Variants in KCNJ3 observed in about 807,000 individuals in gnomAD.
The protein encoded by KCNJ3 is potassium inwardly rectifying channel subfamily J member 3.
In KCNJ3, 4 loss-of-function variants were observed where a neutral mutation model predicts 39.2. The observed-to-expected ratio is 0.10, with a 90% CI of 0.05 to 0.23. The LOEUF is 0.23. Among genes scored for constraint, KCNJ3 ranks in the 10% least tolerant of loss-of-function variants. The probability of loss-of-function intolerance (pLI) is 1.00; values close to 1 mark genes in which losing one functional copy is unlikely to be tolerated. For missense variants in KCNJ3, 276 were observed against 634.9 expected (o/e 0.43, Z 6.08); for synonymous variants, 230 against 237.4 (o/e 0.97, Z 0.29).
At chr2:154,815,390 TC>T (rs1211164804) in intron 2 of KCNJ3, among the ~76,000 whole-genome samples, 1 of 152,202 alleles carries the variant, frequency 6.6e-6, no homozygotes, top group Non-Finnish European at 1.5e-5. Context: ...AGGAACTGCA[TC>T]TTTTGTTCAG....
At chr2:154,739,108 G>T (rs144732022) in intron 2 of KCNJ3, among the ~76,000 whole-genome samples, 3 of 151,982 alleles carry the variant, frequency 2.0e-5, no homozygotes. Context: ...TTTTGTGGGG[G>T]TGGGTAGATC....
At chr2:154,825,128 A>G (rs953512461) in intron 2 of KCNJ3, among the ~76,000 whole-genome samples, 45 of 152,022 alleles carry the variant, frequency 3.0e-4, no homozygotes, top group Admixed American at 2.6e-4. Context: ...CCTTTTGGGC[A>G]TGCTAATAGG....
chr2:154,746,931 AATAAT>A (rs1455957771), intron 2 of KCNJ3, among the ~76,000 whole-genome samples: 1 of 151,770 alleles, frequency 6.6e-6, no homozygotes, highest in Non-Finnish European at 1.5e-5. Flanking sequence ...GAATCTTACC[AATAAT>A]ATCTAGTCTG....
At chr2:154,701,431 T>C (rs541101517) in intron 1 of KCNJ3, among the ~76,000 whole-genome samples, 3 of 152,244 alleles carry the variant, frequency 2.0e-5, no homozygotes, top group Non-Finnish European at 2.9e-5. Context: ...TTACATTTTA[T>C]TTCAACAAAG....
chr2:154,738,385 T>G (rs893175794), intron 2 of KCNJ3, among the ~76,000 whole-genome samples: 2 of 152,064 alleles, frequency 1.3e-5, no homozygotes. Flanking sequence ...CAATAATAAC[T>G]TAATTGCACA....
At chr2:154,821,590 T>A (rs2105110453) in intron 2 of KCNJ3, among the ~76,000 whole-genome samples, 1 of 151,144 alleles carries the variant, frequency 6.6e-6, no homozygotes. Context: ...ACTGAGCAGA[T>A]ATGCTAGCAC....
At chr2:154,849,990 G>A (rs112963920) in intron 2 of KCNJ3, among the ~76,000 whole-genome samples, 1,390 of 122,610 alleles carry the variant, frequency 0.011, 48 homozygotes, top group African/African-American at 0.042. Context: ...ATATTGCAAT[G>A]CAATGTACAG....
chr2:154,802,205 A>G (rs1686832115), intron 2 of KCNJ3, among the ~76,000 whole-genome samples: 1 of 151,106 alleles, frequency 6.6e-6, no homozygotes, highest in South Asian at 2.1e-4. Flanking sequence ...TTTTTCTAAG[A>G]CAACAAGTTT....
intron 2 of KCNJ3, among the ~76,000 whole-genome samples, chr2:154,806,631 C>G (rs760215237): frequency 1.1e-4 from 17 of 151,994 alleles, no homozygotes; most frequent in Admixed American, 9.8e-4. Context: ...CTGCCTCTCC[C>G]GAAAAAAACA....
Position 154,855,318 on chromosome 2 carries a change from G to A in KCNJ3, c.*5G>A. The A allele has an allele frequency of 1.3e-6, 2 of 1,571,932 alleles. No homozygotes were observed. The highest frequency in any genetic ancestry group is 1.7e-6 in the Non-Finnish European group (2 of 1,153,062). ...AACTCTGATCGCTTCACATAACAAA[G>A]CACTCCCTTAGGCATTATTTAATGT... On this transcript the variant is annotated 3_prime_UTR_variant, in exon 3 of 3. Coordinates refer to ENST00000295101, the MANE Select transcript of KCNJ3 (RefSeq NM_002239.4).
chr2:154,772,311 C>T (rs192599918), intron 2 of KCNJ3, among the ~76,000 whole-genome samples: 1 of 152,260 alleles, frequency 6.6e-6, no homozygotes, highest in East Asian at 1.9e-4. Context: ...CCTGTTCCCA[C>T]TCCTTACGTA....
At chr2:154,766,357 T>C (rs932854916) in intron 2 of KCNJ3, among the ~76,000 whole-genome samples, 1 of 152,150 alleles carries the variant, frequency 6.6e-6, no homozygotes, top group Admixed American at 6.6e-5. Flanking sequence ...GATATATCAT[T>C]GTGACCTGTA....
intron 2 of KCNJ3, among the ~76,000 whole-genome samples, chr2:154,742,232 CTGAG>C (rs1385279344): frequency 4.0e-5 from 6 of 151,820 alleles, no homozygotes; most frequent in Non-Finnish European, 8.8e-5. Context: ...CATTTTAAGG[CTGAG>C]TAATATTCCA....
Position 154,815,483 on chromosome 2 carries a change from C to T in KCNJ3, c.920-39244C>T, listed in dbSNP as rs145545412. On this transcript the variant is annotated intron_variant, in intron 2 of 2. Coordinates refer to ENST00000295101, the MANE Select transcript of KCNJ3 (RefSeq NM_002239.4). Reference sequence around the variant, plus strand: ...TGTGCAGTCAGCTTTCAATGTTGTCCTTTGTAATTTATTTATAGGACTATC... The same window carrying T: ...TGTGCAGTCAGCTTTCAATGTTGTCTTTTGTAATTTATTTATAGGACTATC... Among the ~76,000 whole-genome samples the T allele has an allele frequency of 3.7e-3, 562 of 152,120 alleles. 5 individuals are homozygous for T. The highest frequency in any genetic ancestry group is 0.013 in the African/African-American group (520 of 41,504).
chr2:154,853,179 C>T (rs959790838), intron 2 of KCNJ3, among the ~76,000 whole-genome samples: 2 of 150,778 alleles, frequency 1.3e-5, no homozygotes, highest in African/African-American at 4.9e-5. Context: ...AGAGAGAGCA[C>T]CTAACACAGT....
chr2:154,833,119 G>T (rs904493095), intron 2 of KCNJ3, among the ~76,000 whole-genome samples: 19 of 152,282 alleles, frequency 1.2e-4, no homozygotes, highest in African/African-American at 3.6e-4. Context: ...AAGCAGATTT[G>T]GTGGTAAATC....
At position 154,844,433 on chromosome 2, in the gene KCNJ3, A is replaced by G. The variant is rs1005754100; in HGVS notation, c.920-10294A>G. 2.0e-5 allele frequency among the ~76,000 whole-genome samples: 3 copies of G among 152,206 alleles called. No homozygotes were observed. The East Asian group carries it at 5.8e-4, about 29-fold the overall frequency. The stretch of plus-strand genomic sequence containing the variant: ...ACCAACTTGAGGAGGTAGTCTGTCC[A>G]TTCTCAGAGCTCAGACGCCGTGCTG... On this transcript the variant is annotated intron_variant, in intron 2 of 2. Coordinates refer to ENST00000295101, the MANE Select transcript of KCNJ3 (RefSeq NM_002239.4).
At chr2:154,760,943 T>C (rs1295086351) in intron 2 of KCNJ3, among the ~76,000 whole-genome samples, 2 of 151,506 alleles carry the variant, frequency 1.3e-5, no homozygotes, top group Non-Finnish European at 2.9e-5. Flanking sequence ...TTCAGCGTGT[T>C]AGCCAGGATG....
In KCNJ3 at chr2:154,699,309, C is replaced by T. The variant is rs753365481; in HGVS notation, c.534C>T (p.Gly178=). ...CCATCGTGGACGCCTTCCTCATCGG[C>T]TGCATGTTCATCAAGATGTCCCAGC... ...LGSIVDAFLI[G]CMFIKMSQPK... Residue 178 remains glycine (G), a synonymous_variant, in exon 1 of 3, where the codon GGC becomes GGT. Coordinates refer to ENST00000295101, the MANE Select transcript of KCNJ3 (RefSeq NM_002239.4). The surrounding 1 kb of genome is among the most constrained non-coding windows in gnomAD (Gnocchi z 6.4). The T allele has an allele frequency of 6.2e-7, 1 of 1,613,958 alleles. No homozygotes were observed. Among genetic ancestry groups the T allele is most frequent in the East Asian group, 2.2e-5 (1 of 44,858 alleles).
Sources: allele counts gnomAD v4.1 joint callset (sites outside exome capture counted in the v4.1 genomes callset), GRCh38; gene constraint gnomAD v4.1.1; non-coding constraint Gnocchi (gnomAD v3.1); transcripts MANE v1.5; gene names NCBI Gene and HGNC (gene_info 2026-07-23, HGNC 2026-07-21).